Variants in GRK4 observed in about 807,000 individuals in gnomAD.
GRK4 encodes the protein G protein-coupled receptor kinase 2-like.
GRK4 carries 73 observed loss-of-function variants against 77.9 expected under a neutral mutation model. The ratio of observed to expected loss-of-function variants is 0.94; its 90% CI spans 0.78 to 1.14. The LOEUF (loss-of-function observed/expected upper bound fraction) is 1.14. Ranked by LOEUF, GRK4 falls within the 50% of genes most tolerant of loss-of-function variation. The pLI, the probability that GRK4 is intolerant of heterozygous loss-of-function variation, is 0.00. For synonymous variants in GRK4, 257 were observed against 254.4 expected, an observed-to-expected ratio of 1.01 and a Z score of -0.10; for missense variants, 729 against 700.2, an observed-to-expected ratio of 1.04 and a Z score of -0.46.
chr4:3,022,591 T>C, intron 10 of GRK4, 140 bp downstream of exon 10: 1 of 743,602 alleles, frequency 1.3e-6, no homozygotes, highest in Admixed American at 2.8e-5. Flanking sequence ...GTGGTATGTG[T>C]TCATTTTAAA....
chr4:3,000,818 T>A (rs1729326144), intron 4 of GRK4, among the ~76,000 whole-genome samples: 1 of 152,042 alleles, frequency 6.6e-6, no homozygotes, highest in African/African-American at 2.4e-5. Context: ...TCTGCCCACC[T>A]CAGCCTCCCA....
intron 6 of GRK4, 152 bp downstream of exon 6, chr4:3,007,980 C>G (rs1026801556): frequency 2.1e-5 from 11 of 518,248 alleles, no homozygotes; most frequent in African/African-American, 2.0e-4. Context: ...AGCCACTGCA[C>G]TCCAACCTGG....
chr4:2,997,940 G>T (rs1373430406), intron 4 of GRK4, among the ~76,000 whole-genome samples: 1 of 150,880 alleles, frequency 6.6e-6, no homozygotes, highest in Non-Finnish European at 1.5e-5. Flanking sequence ...AAGACTATAT[G>T]CTTTCCTTTA....
intron 8 of GRK4, 124 bp downstream of exon 8, chr4:3,013,952 G>A (rs1733674264): frequency 9.6e-7 from 1 of 1,046,638 alleles, no homozygotes; most frequent in Admixed American, 2.7e-5. Context: ...CTGAGTTTAT[G>A]TGGGGGTTTG....
chr4:3,023,010 A>G (rs1736510278), intron 10 of GRK4, among the ~76,000 whole-genome samples: 1 of 152,180 alleles, frequency 6.6e-6, no homozygotes, highest in African/African-American at 2.4e-5. Flanking sequence ...TAAAGTAAAC[A>G]CAAAGTCAGA....
At chr4:2,980,126 CCACAG>C (rs1722451828) in intron 1 of GRK4, among the ~76,000 whole-genome samples, 1 of 152,192 alleles carries the variant, frequency 6.6e-6, no homozygotes, top group Non-Finnish European at 1.5e-5. Flanking sequence ...GCCTGACCCT[CCACAG>C]GGTACCCAGA....
At chr4:3,007,383 C>T (rs58479563) in intron 5 of GRK4, among the ~76,000 whole-genome samples, 2 of 152,154 alleles carry the variant, frequency 1.3e-5, no homozygotes, top group African/African-American at 4.8e-5. Flanking sequence ...TGGCTGAAGC[C>T]GGACTTGCAG....
intron 1 of GRK4, among the ~76,000 whole-genome samples, chr4:2,967,481 A>G (rs898347683): frequency 1.3e-5 from 2 of 152,118 alleles, no homozygotes; most frequent in Non-Finnish European, 2.9e-5. Context: ...GCACACTGCA[A>G]CCTCTGCCGC....
chr4:2,992,925 A>G (rs530918577), intron 4 of GRK4, among the ~76,000 whole-genome samples: 2 of 152,284 alleles, frequency 1.3e-5, no homozygotes, highest in East Asian at 3.9e-4. Flanking sequence ...TCAAGGCTGC[A>G]GTGAGCTGGG....
rs969721634 is a variant in GRK4, at chr4:3,040,269, C to T, written c.1684-303C>T. Among the ~76,000 whole-genome samples the T allele has an allele frequency of 1.3e-4, 19 of 151,932 alleles. 1 individual carries two copies. Among genetic ancestry groups the T allele is most frequent in the Non-Finnish European group, 2.9e-5 (2 of 67,978 alleles). On this transcript the variant is annotated intron_variant, in intron 15 of 15. Coordinates refer to ENST00000398052, the MANE Select transcript of GRK4 (RefSeq NM_182982.3). ...CAACCTGGCCAACATGGTGAAACCC[C>T]GTCTCTGCTAAAAATACAAAACTTA... is the stretch of plus-strand genomic sequence containing the variant.
chr4:2,968,211 T>A (rs570175028), intron 1 of GRK4, among the ~76,000 whole-genome samples: 2 of 152,326 alleles, frequency 1.3e-5, no homozygotes, highest in African/African-American at 4.8e-5. Context: ...CTGAGGAGAC[T>A]TTAACACCGT....
In GRK4 at chr4:2,974,069, C is replaced by T. The variant is rs139613785; in HGVS notation, c.52+9947C>T. Among the ~76,000 whole-genome samples the T allele has an allele frequency of 4.3e-3, 653 of 152,252 alleles. 8 individuals carry two copies. The highest frequency in any genetic ancestry group is 0.011 in the African/African-American group (461 of 41,532). ...CTCGCTATGTTGCCCAGGCTGGCCT[C>T]GGACTCCCGGGCTCAAGCGAGCCCA... On this transcript the variant is annotated intron_variant, in intron 1 of 15. Coordinates refer to ENST00000398052, the MANE Select transcript of GRK4 (RefSeq NM_182982.3).
intron 12 of GRK4, among the ~76,000 whole-genome samples, chr4:3,034,863 T>C (rs1283304462): frequency 6.6e-6 from 1 of 152,192 alleles, no homozygotes; most frequent in Non-Finnish European, 1.5e-5. Context: ...TATTTATTGA[T>C]AGCTCAAAGG....
intron 12 of GRK4, among the ~76,000 whole-genome samples, chr4:3,034,980 G>A (rs1430872166): frequency 6.6e-6 from 1 of 152,140 alleles, no homozygotes; most frequent in Non-Finnish European, 1.5e-5. Context: ...AGATGCAGCT[G>A]GGCGCGGTGG....
rs752126025 is a variant in GRK4 at position 3,040,607 on chromosome 4, G to C, written c.1719G>C (p.Val573=). 1.2e-6 allele frequency: 2 copies of C among 1,611,342 alleles called. No individual in the cohort carries two copies. Among genetic ancestry groups the C allele is most frequent in the Non-Finnish European group, 1.7e-6 (2 of 1,178,984 alleles). The change falls in exon 16 of 16, where the codon GTG becomes GTC. Residue 573 remains valine (V), a synonymous_variant. Coordinates refer to ENST00000398052, the MANE Select transcript of GRK4 (RefSeq NM_182982.3). ...CLTMVPSEKE[V]EPKQC is the part of the protein sequence containing the mutation. ...CCATGGTCCCCAGTGAGAAGGAAGT[G>C]GAACCCAAGCAATGCTGAGCACCCC...
chr4:3,006,865 C>G (rs772268661), intron 5 of GRK4, among the ~76,000 whole-genome samples: 1 of 152,118 alleles, frequency 6.6e-6, no homozygotes, highest in Non-Finnish European at 1.5e-5. Flanking sequence ...GATACTGGTC[C>G]TGGGATATTG....
intron 10 of GRK4, among the ~76,000 whole-genome samples, chr4:3,022,950 A>G (rs1202919233): frequency 6.6e-6 from 1 of 152,114 alleles, no homozygotes; most frequent in Admixed American, 6.6e-5. Flanking sequence ...TTCCCTCCCA[A>G]AGCACTAGGG....
At position 2,984,493 on chromosome 4, in the gene GRK4, C is replaced by CT. The variant is rs750945988; in HGVS notation, c.53-14dup. The CT allele has an allele frequency of 6.0e-6, 9 of 1,500,082 alleles. No individual in the cohort carries two copies. The highest frequency in any genetic ancestry group is 7.4e-6 in the Non-Finnish European group (8 of 1,078,354). 92.9% of individuals were successfully genotyped at this position (1,500,082 alleles called of 1,614,324 possible). ...ATTTCTGACTGTTAAAGGAAATTGC[C>CT]TTTTTTCTCCCAAATTCAGGAGGAT... On this transcript the variant is annotated intron_variant, in intron 1 of 15. Coordinates refer to ENST00000398052, the MANE Select transcript of GRK4 (RefSeq NM_182982.3).
At chr4:2,992,697 A>T (rs751656267) in intron 4 of GRK4, among the ~76,000 whole-genome samples, 8 of 151,832 alleles carry the variant, frequency 5.3e-5, no homozygotes, top group Non-Finnish European at 1.2e-4. Flanking sequence ...AATAAAAAGT[A>T]AGGCCAGGCA....
Sources: gnomAD v4.1 joint callset for allele counts (sites outside exome capture counted in the v4.1 genomes callset) on GRCh38, gnomAD v4.1.1 for gene constraint, MANE v1.5 for transcripts, NCBI Gene and HGNC (gene_info 2026-07-23, HGNC 2026-07-21) for gene names.